LYPD6B: variants seen among roughly 807,000 people sequenced by gnomAD.
LYPD6B encodes the protein LY6/PLAUR domain containing 6B, also known as ly6/PLAUR domain-containing protein 6B.
In LYPD6B, 17 loss-of-function variants were observed where a neutral mutation model predicts 22.8. That is an observed-to-expected ratio of 0.75 (90% confidence interval 0.51 to 1.12). The LOEUF (loss-of-function observed/expected upper bound fraction) is 1.12, where lower values mean the gene tolerates loss of function less well. Among genes scored for constraint, LYPD6B ranks in the 50% most tolerant of loss-of-function variants. The pLI, the probability that LYPD6B is intolerant of heterozygous loss-of-function variation, is 0.00. For synonymous variants in LYPD6B, 106 were observed against 91.6 expected (o/e 1.16, Z -0.90); for missense variants, 221 against 258.3 (o/e 0.86, Z 0.99).
At chr2:149,120,402 T>TTTTTTTTTTG (rs1687267197) in intron 1 of LYPD6B, among the ~76,000 whole-genome samples, 1 of 121,736 alleles carries the variant, frequency 8.2e-6, no homozygotes, top group Non-Finnish European at 1.7e-5. Context: ...TTTTTTTTTT[T>TTTTTTTTTTG]GAGATGGAGT....
At chr2:149,150,421 T>C (rs1689296033) in intron 2 of LYPD6B, among the ~76,000 whole-genome samples, 1 of 152,224 alleles carries the variant, frequency 6.6e-6, no homozygotes, top group South Asian at 2.1e-4. Flanking sequence ...GTGTCTTTAA[T>C]TCTGTATCAG....
intron 2 of LYPD6B, among the ~76,000 whole-genome samples, chr2:149,137,407 A>G (rs995853907): frequency 1.1e-4 from 17 of 152,326 alleles, no homozygotes; most frequent in African/African-American, 3.6e-4. Context: ...TGGCTTATCT[A>G]TGCATAAGAA....
At chr2:149,157,884 A>G (rs78716394) in intron 2 of LYPD6B, among the ~76,000 whole-genome samples, 3,613 of 152,302 alleles carry the variant, frequency 0.024, 150 homozygotes, top group African/African-American at 0.083. Flanking sequence ...TTACTGCAGT[A>G]TCTGACTTCT....
At chr2:149,206,285 G>A (rs1398559999) in intron 4 of LYPD6B, 1 of 243,396 alleles carries the variant, frequency 4.1e-6, no homozygotes, top group Non-Finnish European at 8.4e-6. Flanking sequence ...TCAGGTGTGA[G>A]AACCCCCTCT....
At chr2:149,132,073 T>G (rs936678855) in intron 2 of LYPD6B, among the ~76,000 whole-genome samples, 7 of 151,892 alleles carry the variant, frequency 4.6e-5, no homozygotes, top group African/African-American at 1.7e-4. Context: ...CCATGCTCCC[T>G]TTTTTAAAAG....
rs56397994 is a variant in LYPD6B, at chr2:149,099,001, C to T, written c.-66-31882C>T. Among the ~76,000 whole-genome samples, 1,063 of 152,210 alleles carry T rather than the reference C, an allele frequency of 7.0e-3. 18 individuals carry two copies. Among genetic ancestry groups the T allele is most frequent in the African/African-American group, 0.024 (978 of 41,536 alleles). On this transcript the variant is annotated intron_variant, in intron 1 of 6. Coordinates refer to ENST00000409642, the MANE Select transcript of LYPD6B (RefSeq NM_177964.5). ...CCTGATGTCCAATGACCATTAACACCCTCCATATATAACTGTTGATGAACT... is the reference window on the plus strand; with the variant it reads ...CCTGATGTCCAATGACCATTAACACTCTCCATATATAACTGTTGATGAACT...
intron 3 of LYPD6B, among the ~76,000 whole-genome samples, chr2:149,186,672 A>G (rs1430861478): frequency 1.3e-5 from 2 of 152,170 alleles, no homozygotes; most frequent in Non-Finnish European, 2.9e-5. Flanking sequence ...TGGTGTGATC[A>G]TGGCTCACAG....
At chr2:149,188,633 C>G (rs961586437) in intron 3 of LYPD6B, 1 of 804,438 alleles carries the variant, frequency 1.2e-6, no homozygotes, top group Non-Finnish European at 1.5e-6. Context: ...TTGTGAAAGT[C>G]AATAATTTTC....
At chr2:149,138,681 A>G (rs2128506) in intron 2 of LYPD6B, among the ~76,000 whole-genome samples, 30,437 of 152,114 alleles carry the variant, frequency 0.2, 3,176 homozygotes, top group East Asian at 0.37. Flanking sequence ...GGCTAAGACT[A>G]TAGGTATGTG....
intron 1 of LYPD6B, among the ~76,000 whole-genome samples, chr2:149,074,451 T>C (rs1460083990): frequency 2.0e-5 from 3 of 152,190 alleles, no homozygotes; most frequent in Non-Finnish European, 4.4e-5. Context: ...GAGTTAGTGA[T>C]AGGATGATAG....
chr2:149,098,644 A>G (rs573001418), intron 1 of LYPD6B, among the ~76,000 whole-genome samples: 120 of 82,582 alleles, frequency 1.5e-3, no homozygotes, highest in African/African-American at 5.8e-3. Flanking sequence ...AAAAAAAAAA[A>G]AAAAAGAAAA....
intron 1 of LYPD6B, chr2:149,101,095 A>G (rs1257125987): frequency 6.6e-6 from 1 of 152,252 alleles, no homozygotes; most frequent in Non-Finnish European, 1.5e-5. Context: ...CTCGATGTTC[A>G]CCAGTGTGTG....
intron 3 of LYPD6B, among the ~76,000 whole-genome samples, chr2:149,175,055 C>CTGTGTGTG (rs1406656896): frequency 1.5e-5 from 2 of 133,528 alleles, no homozygotes; most frequent in Admixed American, 7.8e-5. Flanking sequence ...CTCTCTCTCT[C>CTGTGTGTG]TCTCTCTGTG....
chr2:149,080,999 G>C (rs1474181119), intron 1 of LYPD6B, among the ~76,000 whole-genome samples: 1 of 152,104 alleles, frequency 6.6e-6, no homozygotes, highest in African/African-American at 2.4e-5. Flanking sequence ...TGATGTCCTT[G>C]CATAGGACGT....
intron 3 of LYPD6B, among the ~76,000 whole-genome samples, chr2:149,171,224 C>A (rs996635526): frequency 6.6e-6 from 1 of 152,052 alleles, no homozygotes; most frequent in African/African-American, 2.4e-5. Context: ...AAGGCTCAAC[C>A]CAGGCAAATG....
chr2:149,171,688 A>G (rs945182351), intron 3 of LYPD6B, among the ~76,000 whole-genome samples: 3 of 152,168 alleles, frequency 2.0e-5, no homozygotes, highest in African/African-American at 7.2e-5. Context: ...GTTTTGAATA[A>G]GAAAAACATT....
chr2:149,098,308 G>C (rs1414038640), intron 1 of LYPD6B, among the ~76,000 whole-genome samples: 2 of 152,044 alleles, frequency 1.3e-5, no homozygotes, highest in Non-Finnish European at 2.9e-5. Flanking sequence ...GAGTTATATA[G>C]GATATGACCA....
At chr2:149,092,825 C>T (rs1412041636) in intron 1 of LYPD6B, among the ~76,000 whole-genome samples, 11 of 151,536 alleles carry the variant, frequency 7.3e-5, no homozygotes, top group Non-Finnish European at 1.0e-4. Flanking sequence ...CTGGGTTCCT[C>T]CTGAGTTTGT....
At chr2:149,156,178 T>C (rs893346417) in intron 2 of LYPD6B, among the ~76,000 whole-genome samples, 3 of 152,122 alleles carry the variant, frequency 2.0e-5, no homozygotes, top group African/African-American at 7.2e-5. Context: ...TGCAGAATGG[T>C]GTCATGCTAT....
Sources: allele counts gnomAD v4.1 joint callset (sites outside exome capture counted in the v4.1 genomes callset), GRCh38; gene constraint gnomAD v4.1.1; transcripts MANE v1.5; gene names NCBI Gene and HGNC (gene_info 2026-07-23, HGNC 2026-07-21).